Variants in HAS2 observed in about 807,000 individuals in gnomAD.
HAS2 encodes the protein hyaluronan synthase 2.
HAS2 carries 16 observed loss-of-function variants against 51.6 expected under a neutral mutation model. The observed-to-expected ratio is 0.31, with a 90% CI of 0.21 to 0.47. HAS2 has a LOEUF of 0.47. HAS2 is among the 20% of genes least tolerant of loss of function. The probability of loss-of-function intolerance (pLI) is 1.00; values close to 1 mark genes in which losing one functional copy is unlikely to be tolerated. For missense variants in HAS2, 361 were observed against 662.6 expected (o/e 0.54, Z 5.00); for synonymous variants, 228 against 235.5 (o/e 0.97, Z 0.29).
At chr8:121,632,434 A>G (rs1812947017) in intron 1 of HAS2, among the ~76,000 whole-genome samples, 1 of 151,242 alleles carries the variant, frequency 6.6e-6, no homozygotes. Flanking sequence ...TAGAAAGATG[A>G]TTTTGAAATC....
intron 2 of HAS2, among the ~76,000 whole-genome samples, chr8:121,626,563 C>T (rs1252644873): frequency 1.3e-5 from 2 of 152,218 alleles, no homozygotes; most frequent in Non-Finnish European, 2.9e-5. Flanking sequence ...CAAGTTCCAT[C>T]ACTTGTAATG....
chr8:121,635,511 A>G (rs1812996744), intron 1 of HAS2, among the ~76,000 whole-genome samples: 1 of 152,206 alleles, frequency 6.6e-6, no homozygotes. Flanking sequence ...AGGACTGGGA[A>G]TCAGAAGAAA....
chr8:121,639,339 T>A (rs1048780991), intron 1 of HAS2: 3 of 152,332 alleles, frequency 2.0e-5, no homozygotes, highest in African/African-American at 7.2e-5. Context: ...GCGTCGCGTT[T>A]CTGGGCAATT....
intron 1 of HAS2, among the ~76,000 whole-genome samples, chr8:121,631,327 A>G (rs1586508634): frequency 6.6e-6 from 1 of 152,220 alleles, no homozygotes; most frequent in Non-Finnish European, 1.5e-5. Flanking sequence ...CCTGGACATC[A>G]GGATTCTAGC....
At chr8:121,630,757 C>A (rs77572395) in intron 1 of HAS2, among the ~76,000 whole-genome samples, 1 of 152,152 alleles carries the variant, frequency 6.6e-6, no homozygotes, top group African/African-American at 2.4e-5. Flanking sequence ...TTTATAATTT[C>A]GTAATCCACA....
chr8:121,641,158 C>CTTTCTTTTTTTTTTTTTTTTTT lies in HAS2; in HGVS notation c.-307_-306insAAAAAAAAAAAAAAAAAAGAAA, dbSNP rs1554597329. ...TAACTTTTCTTTTTTCTTTTCTTTT[C>CTTTCTTTTTTTTTTTTTTTTTT]TTTTTTTTTTTTTTTTTTTTTTGGG... is the stretch of plus-strand genomic sequence containing the variant. On this transcript the variant is annotated 5_prime_UTR_variant, in exon 1 of 4. Coordinates refer to ENST00000303924, the MANE Select transcript of HAS2 (RefSeq NM_005328.3). The CTTTCTTTTTTTTTTTTTTTTTT allele has an allele frequency of 5.3e-5, 3 of 57,016 alleles. No homozygotes were observed. Among genetic ancestry groups the CTTTCTTTTTTTTTTTTTTTTTT allele is most frequent in the African/African-American group, 6.7e-5 (1 of 14,890 alleles). 3.5% of individuals were successfully genotyped at this position (57,016 alleles called of 1,614,324 possible). A position where few individuals can be genotyped will look rare whatever the true frequency, so the allele number is the denominator to read the frequency against.
chr8:121,621,711 T>C (rs903800093), intron 2 of HAS2, among the ~76,000 whole-genome samples: 11 of 152,308 alleles, frequency 7.2e-5, no homozygotes, highest in Admixed American at 1.3e-4. Context: ...ATCTCACTAA[T>C]CTTAAAGTTA....
At chr8:121,621,525 A>G (rs888697790) in intron 2 of HAS2, among the ~76,000 whole-genome samples, 2 of 152,194 alleles carry the variant, frequency 1.3e-5, no homozygotes, top group African/African-American at 2.4e-5. Flanking sequence ...AATATTTTAT[A>G]CTTTCTAAGT....
In HAS2 at chr8:121,618,252, TTA is replaced by T. The variant is rs148050286; in HGVS notation, c.628-1048_628-1047del. 6.7e-3 allele frequency among the ~76,000 whole-genome samples: 1,022 copies of T among 152,238 alleles called. 9 individuals are homozygous for T. The highest frequency in any genetic ancestry group is 0.023 in the African/African-American group (974 of 41,548). On this transcript the variant is annotated intron_variant, in intron 2 of 3. Transcript: ENST00000303924. Reference sequence around the variant, plus strand: ...CAAAGCTGATATGGAGAATAGGGCTTTATATGTGGAAAAGTGGGCTTCATAAT... The same window carrying T: ...CAAAGCTGATATGGAGAATAGGGCTTTATGTGGAAAAGTGGGCTTCATAAT...
chr8:121,637,082 T>G (rs1813019615), intron 1 of HAS2, among the ~76,000 whole-genome samples: 1 of 152,220 alleles, frequency 6.6e-6, no homozygotes, highest in African/African-American at 2.4e-5. Context: ...AACCATCTAG[T>G]TGAGTGCCTG....
rs775779060 is a variant in HAS2, at chr8:121,614,679, C to T, written c.1089G>A (p.Leu363=). 2.9e-5 allele frequency: 47 copies of T among 1,614,032 alleles called. No individual in the cohort carries two copies. The highest frequency in any genetic ancestry group is 3.8e-5 in the Non-Finnish European group (45 of 1,179,978). Residue 363 remains leucine, a synonymous_variant, in exon 4 of 4, where the codon CTG becomes CTA. Transcript: ENST00000303924. The surrounding 1 kb of genome is among the most constrained non-coding windows in gnomAD (Gnocchi z 7.2). The stretch of plus-strand genomic sequence containing the variant: ...GTTTGTGAAACCACATTGCATTGTA[C>T]AGCCATTCTCGGAAGTAGGACTTGC... ...RWSKSYFREW[L]YNAMWFHKHH...
chr8:121,640,418 ACAGT>A (rs1264442111), intron 1 of HAS2, among the ~76,000 whole-genome samples: 1 of 77,830 alleles, frequency 1.3e-5, no homozygotes, highest in Non-Finnish European at 3.2e-5. Context: ...TTTTCTCCCC[ACAGT>A]GTGTGTGTGT....
At chr8:121,639,588 C>T (rs1813061251) in intron 1 of HAS2, 2 of 152,662 alleles carry the variant, frequency 1.3e-5, no homozygotes, top group Non-Finnish European at 2.9e-5. Context: ...GCAAGTCCTC[C>T]TCCCCAGGCA....
intron 2 of HAS2, among the ~76,000 whole-genome samples, chr8:121,620,419 G>A (rs1812758660): frequency 1.3e-5 from 2 of 152,150 alleles, no homozygotes; most frequent in African/African-American, 2.4e-5. Flanking sequence ...CCCAGTTCAA[G>A]GAGAACTGAA....
chr8:121,630,596 A>G (rs1234618540), intron 1 of HAS2, among the ~76,000 whole-genome samples: 1 of 152,138 alleles, frequency 6.6e-6, no homozygotes, highest in Non-Finnish European at 1.5e-5. Flanking sequence ...AGTCATTCGC[A>G]TCCATTTTTG....
chr8:121,619,309 G>A (rs904209876), intron 2 of HAS2, among the ~76,000 whole-genome samples: 3 of 152,132 alleles, frequency 2.0e-5, no homozygotes, highest in African/African-American at 4.8e-5. Flanking sequence ...GAATGCTGGT[G>A]AAAATAGCAA....
Position 121,614,572 on chromosome 8 carries a change from T to A in HAS2, c.1196A>T (p.Tyr399Phe), listed in dbSNP as rs948889924. 34 of 1,613,840 alleles carry A rather than the reference T, an allele frequency of 2.1e-5. No individual in the cohort carries two copies. The highest frequency in any genetic ancestry group is 2.9e-5 in the Non-Finnish European group (34 of 1,179,874). Residue 399 changes from tyrosine (Y) to phenylalanine (F), a missense_variant, in exon 4 of 4, where the codon TAC (tyrosine) becomes TTC (phenylalanine). Physicochemically the swap from Tyr to Phe is conservative, Grantham distance 22 (BLOSUM62 3). Around this residue, in one of 5 missense-constraint regions of HAS2, gnomAD observed 106 missense variants for 241.0 expected, o/e 0.44. Transcript: ENST00000303924. This position sits in a 1 kb window ranked among gnomAD's most constrained non-coding sequence, Gnocchi z 7.2. ...GAGAATGTTCCAAATTTTACCCCGG[T>A]AGAAGAGCTGGATTACTGTGGCAAT... ...FLIATVIQLF[Y>F]RGKIWNILLF...
intron 1 of HAS2, among the ~76,000 whole-genome samples, chr8:121,631,173 A>G (rs1812924675): frequency 6.6e-6 from 1 of 152,182 alleles, no homozygotes; most frequent in South Asian, 2.1e-4. Flanking sequence ...TTGGATTGCC[A>G]TATGAAAGGG....
rs190544067 is a variant in HAS2 at position 121,625,703 on chromosome 8, T to C, written c.627+3011A>G. On this transcript the variant is annotated intron_variant, in intron 2 of 3. Transcript: ENST00000303924. ...TTTTTTTTTTTTTTTTTTTTTTTTG[T>C]AGAGATGAGGTCTCCCTAAGTTGCT... is the stretch of plus-strand genomic sequence containing the variant. Among the ~76,000 whole-genome samples, 320 of 113,918 alleles carry C rather than the reference T, an allele frequency of 2.8e-3. 4 individuals are homozygous for C. The highest frequency in any genetic ancestry group is 0.024 in the Middle Eastern group (5 of 208). The allele number at this position is 113,918 out of a possible 152,430, so 74.7% of individuals were successfully genotyped here. A position where few individuals can be genotyped will look rare whatever the true frequency, so the allele number is the denominator to read the frequency against.
Sources: allele counts gnomAD v4.1 joint callset (sites outside exome capture counted in the v4.1 genomes callset), GRCh38; gene constraint gnomAD v4.1.1; regional missense constraint gnomAD v4.1.1; non-coding constraint Gnocchi (gnomAD v3.1); transcripts MANE v1.5; gene names NCBI Gene and HGNC (gene_info 2026-07-23, HGNC 2026-07-21).